The following CSMD3 variants were observed in gnomAD, a reference collection of about 807,000 sequenced individuals.
CSMD3 encodes CUB and Sushi multiple domains 3, also known as CUB and sushi domain-containing protein 3.
In CSMD3, 177 loss-of-function variants were observed where a neutral mutation model predicts 435.2. The ratio of observed to expected loss-of-function variants is 0.41; its 90% CI spans 0.36 to 0.46. The LOEUF (loss-of-function observed/expected upper bound fraction) is 0.46. CSMD3 is among the 20% of genes least tolerant of loss of function. The pLI, the probability that CSMD3 is intolerant of heterozygous loss-of-function variation, is 0.34. For missense variants in CSMD3, 4,265 were observed against 4,504.6 expected (o/e 0.95, Z 1.52); for synonymous variants, 1,656 against 1,520.5 (o/e 1.09, Z -2.07).
intron 44 of CSMD3, 66 bp from the exon 45 acceptor site, chr8:112,335,540 A>C (rs62514406): frequency 2.8e-6 from 4 of 1,404,442 alleles, no homozygotes; most frequent in Non-Finnish European, 4.0e-6. Flanking sequence ...TTTGAACCGT[A>C]TTTAATAAAA....
At chr8:113,153,524 G>GACACTT (rs1330495429) in intron 4 of CSMD3, among the ~76,000 whole-genome samples, 1 of 152,006 alleles carries the variant, frequency 6.6e-6, no homozygotes, top group Non-Finnish European at 1.5e-5. Flanking sequence ...ATAAAAATAT[G>GACACTT]ACACTTACAT....
intron 13 of CSMD3, among the ~76,000 whole-genome samples, chr8:112,734,545 G>T (rs1170375275): frequency 1.3e-5 from 2 of 151,852 alleles, no homozygotes; most frequent in Non-Finnish European, 2.9e-5. Flanking sequence ...TCAGAGAAAT[G>T]ATATAACATT....
intron 4 of CSMD3, among the ~76,000 whole-genome samples, chr8:113,143,484 G>A (rs990749545): frequency 6.6e-6 from 1 of 151,296 alleles, no homozygotes; most frequent in Non-Finnish European, 1.5e-5. Flanking sequence ...TTATACCAGG[G>A]ACACGAAAAT....
At position 112,985,462 on chromosome 8, in the gene CSMD3, A is replaced by T. The variant is rs376839471; in HGVS notation, c.1031-9314T>A. 1.3e-4 allele frequency among the ~76,000 whole-genome samples: 20 copies of T among 152,186 alleles called. No individual in the cohort carries two copies. The South Asian group carries it at 1.9e-3, about 14-fold the overall frequency. On this transcript the variant is annotated intron_variant, in intron 6 of 70. Coordinates refer to ENST00000297405, the MANE Select transcript of CSMD3 (RefSeq NM_198123.2). ...GACATAAAGCATGAGACTGATAACAAGATTGGCATTTTAGAGAGAATGTTC... is the reference window on the plus strand; with the variant it reads ...GACATAAAGCATGAGACTGATAACATGATTGGCATTTTAGAGAGAATGTTC...
intron 12 of CSMD3, among the ~76,000 whole-genome samples, chr8:112,810,914 T>C (rs1332234374): frequency 6.6e-6 from 1 of 152,066 alleles, no homozygotes; most frequent in African/African-American, 2.4e-5. Context: ...TAGATAATTA[T>C]TTGAAAGTAT....
chr8:113,253,619 A>G (rs2093353474), intron 3 of CSMD3, among the ~76,000 whole-genome samples: 1 of 152,054 alleles, frequency 6.6e-6, no homozygotes, highest in African/African-American at 2.4e-5. Context: ...AGGCGGGCAG[A>G]TAACGAGGTC....
chr8:112,878,422 GC>G (rs2081352079), intron 10 of CSMD3, among the ~76,000 whole-genome samples: 1 of 152,148 alleles, frequency 6.6e-6, no homozygotes, highest in Non-Finnish European at 1.5e-5. Context: ...AACAACAGAT[GC>G]TGGAGAGGAT....
intron 59 of CSMD3, among the ~76,000 whole-genome samples, chr8:112,269,239 C>T (rs1359674135): frequency 6.6e-6 from 1 of 152,148 alleles, no homozygotes. Flanking sequence ...CCTGATCTGT[C>T]CTCTGTTAGA....
intron 62 of CSMD3, 128 bp from the exon 63 acceptor site, chr8:112,254,454 T>G (rs1459502796): frequency 9.6e-6 from 7 of 726,100 alleles, no homozygotes; most frequent in Non-Finnish European, 1.2e-5. Context: ...ATAATGTAAA[T>G]GTAATAACAT....
chr8:112,476,307 G>C (rs1052263422), intron 31 of CSMD3, among the ~76,000 whole-genome samples: 1 of 152,102 alleles, frequency 6.6e-6, no homozygotes, highest in African/African-American at 2.4e-5. Context: ...TGGCCTCTTA[G>C]AGTGCTGGGA....
At chr8:113,034,884 ACTAT>A (rs1162858647) in intron 5 of CSMD3, among the ~76,000 whole-genome samples, 2 of 152,228 alleles carry the variant, frequency 1.3e-5, no homozygotes, top group East Asian at 3.9e-4. Flanking sequence ...ATAAATTTTA[ACTAT>A]CTAACCATAT....
chr8:113,266,783 T>C (rs1355852454), intron 3 of CSMD3, among the ~76,000 whole-genome samples: 1 of 151,640 alleles, frequency 6.6e-6, no homozygotes, highest in Non-Finnish European at 1.5e-5. Context: ...TCGACAATCA[T>C]AGAATAGTAA....
At chr8:113,057,790 C>A (rs1457808336) in intron 5 of CSMD3, among the ~76,000 whole-genome samples, 1 of 151,454 alleles carries the variant, frequency 6.6e-6, no homozygotes, top group African/African-American at 2.4e-5. Context: ...AAAATAATTA[C>A]TAATTTTAGA....
chr8:112,938,701 G>A (rs561856634), intron 9 of CSMD3, among the ~76,000 whole-genome samples: 6 of 152,122 alleles, frequency 3.9e-5, no homozygotes, highest in Non-Finnish European at 5.9e-5. Context: ...AATATTTTTC[G>A]GTAAGAGGCA....
At chr8:112,567,613 T>A (rs1829162972) in intron 24 of CSMD3, among the ~76,000 whole-genome samples, 1 of 152,148 alleles carries the variant, frequency 6.6e-6, no homozygotes, top group Non-Finnish European at 1.5e-5. Flanking sequence ...AAATGATATC[T>A]CTATAACTTA....
intron 16 of CSMD3, among the ~76,000 whole-genome samples, chr8:112,668,872 G>A (rs992080227): frequency 3.3e-5 from 5 of 151,610 alleles, no homozygotes; most frequent in South Asian, 2.1e-4. Context: ...CCATGGTGTA[G>A]CAACAGTGGA....
At chr8:112,361,562 T>A (rs944395434) in intron 38 of CSMD3, among the ~76,000 whole-genome samples, 3 of 135,736 alleles carry the variant, frequency 2.2e-5, no homozygotes, top group Admixed American at 7.9e-5. Flanking sequence ...TATGTATATA[T>A]ATACACATAC....
At position 113,343,869 on chromosome 8, in the gene CSMD3, G is replaced by C. The variant is rs546777967; in HGVS notation, c.179-29076C>G. Among the ~76,000 whole-genome samples the C allele has an allele frequency of 8.5e-5, 13 of 152,192 alleles. 1 individual carries two copies. Among genetic ancestry groups the C allele is most frequent in the African/African-American group, 3.1e-4 (13 of 41,540 alleles). ...GGTGGATCACGAGGTCAGGAGATTT[G>C]AGACCATCCTGACTAACGTTATAAT... On this transcript the variant is annotated intron_variant, in intron 1 of 70. Transcript: ENST00000297405.
chr8:113,037,780 C>T (rs1231794051), intron 5 of CSMD3, among the ~76,000 whole-genome samples: 1 of 151,268 alleles, frequency 6.6e-6, no homozygotes, highest in Admixed American at 6.6e-5. Context: ...ATTTATTATG[C>T]AAAGGCAAAA....
Sources: allele counts gnomAD v4.1 joint callset (sites outside exome capture counted in the v4.1 genomes callset), GRCh38; gene constraint gnomAD v4.1.1; transcripts MANE v1.5; gene names NCBI Gene and HGNC (gene_info 2026-07-23, HGNC 2026-07-21).